The following PLEKHM1 variants were observed in gnomAD, a reference collection of about 807,000 sequenced individuals.
PLEKHM1 encodes the protein pleckstrin homology and RUN domain containing M1, also known as pleckstrin homology domain-containing family M member 1.
PLEKHM1 carries 28 observed loss-of-function variants against 94.3 expected under a neutral mutation model. The ratio of observed to expected loss-of-function variants is 0.30; its 90% CI spans 0.22 to 0.41. PLEKHM1 has a LOEUF of 0.41. Among genes scored for constraint, PLEKHM1 ranks in the 10% least tolerant of loss-of-function variants. The pLI is 1.00. For missense variants in PLEKHM1, 907 were observed against 1,358.6 expected, an observed-to-expected ratio of 0.67 and a Z score of 5.22; for synonymous variants, 424 against 581.2, an observed-to-expected ratio of 0.73 and a Z score of 3.89.
chr17:45,456,095 T>C (rs2684513), intron 6 of PLEKHM1, among the ~76,000 whole-genome samples: 1 of 152,174 alleles, frequency 6.6e-6, no homozygotes, highest in African/African-American at 2.4e-5. Context: ...TCTCTCCCCT[T>C]GCATCTCCTC....
intron 5 of PLEKHM1, among the ~76,000 whole-genome samples, chr17:45,466,235 C>T (rs1268179347): frequency 6.6e-6 from 1 of 152,168 alleles, no homozygotes; most frequent in African/African-American, 2.4e-5. Context: ...TCTAACACCA[C>T]ACACAAAAAT....
chr17:45,478,096 C>T lies in PLEKHM1; in HGVS notation c.100G>A (p.Val34Met), dbSNP rs569265721. The T allele has an allele frequency of 6.8e-6, 11 of 1,614,196 alleles. No individual in the cohort carries two copies. The highest frequency in any genetic ancestry group is 6.6e-5 in the South Asian group (6 of 91,086). The change falls in exon 3 of 12, where the codon GTG becomes ATG. Residue 34 changes from valine to methionine, a missense_variant. By Grantham distance (21) the Val-to-Met change is conservative (BLOSUM62 1). Around this residue, in one of 3 missense-constraint regions of PLEKHM1, gnomAD observed 176 missense variants for 306.0 expected, o/e 0.58. Transcript: ENST00000430334. ...CTAGTGACCACCGTGTCCAGGGACA[C>T]GTACTGCTTCTGCAAGGCCTTCACG... is the stretch of plus-strand genomic sequence containing the variant. ...GSVKALQKQY[V>M]SLDTVVTSED...
chr17:45,448,209 A>G (rs2145193774), intron 8 of PLEKHM1: 1 of 152,360 alleles, frequency 6.6e-6, no homozygotes, highest in African/African-American at 2.4e-5. Context: ...GTGTTTTATG[A>G]TCAAAGGGTT....
chr17:45,439,787 AAAG>A (rs1402163542), intron 10 of PLEKHM1, 153 bp from the exon 11 acceptor site: 3 of 982,458 alleles, frequency 3.1e-6, no homozygotes, highest in Non-Finnish European at 3.1e-6. Flanking sequence ...ACGGGCAAGA[AAAG>A]AAAACCTCCC....
At chr17:45,438,623 C>T (rs1429245176) in intron 11 of PLEKHM1, among the ~76,000 whole-genome samples, 1 of 152,026 alleles carries the variant, frequency 6.6e-6, no homozygotes, top group Admixed American at 6.6e-5. Context: ...GTGGCACGAT[C>T]TCGGCTCACT....
At chr17:45,465,570 C>T (rs2051294452) in intron 5 of PLEKHM1, among the ~76,000 whole-genome samples, 1 of 151,882 alleles carries the variant, frequency 6.6e-6, no homozygotes, top group South Asian at 2.1e-4. Flanking sequence ...ATTAGCTGGG[C>T]ATGGTGGTAG....
chr17:45,467,459 C>T lies in PLEKHM1; in HGVS notation c.1308+750G>A, dbSNP rs71373580. ...TGGGTCATGTTGCAAAGTGAGTATG[C>T]TCAAGGCCTAGTATTTTCTAAAAAC... is the stretch of plus-strand genomic sequence containing the variant. On this transcript the variant is annotated intron_variant, in intron 5 of 11. Transcript: ENST00000430334. Among the ~76,000 whole-genome samples, 3 of 152,300 alleles carry T rather than the reference C, an allele frequency of 2.0e-5. No individual in the cohort carries two copies. In the East Asian group the frequency reaches 5.8e-4, roughly 29 times the overall value.
chr17:45,442,027 C>T (rs2050463022), intron 9 of PLEKHM1, among the ~76,000 whole-genome samples: 2 of 152,150 alleles, frequency 1.3e-5, no homozygotes, highest in South Asian at 4.1e-4. Context: ...TGAGCCCTGG[C>T]TCCTCCTCTG....
In PLEKHM1 at chr17:45,445,511, C is replaced by T. The variant is rs1325043263; in HGVS notation, c.2796G>A (p.Leu932=). The stretch of plus-strand genomic sequence containing the variant: ...TCAGGGCGCCACTCCGGCACAGGCC[C>T]AGGTAATCCCCCAGGAGCTTCAGCT... The part of the protein sequence containing the change: ...REQLKLLGDY[L]GLCRSGALKE... The change falls in exon 9 of 12, where the codon CTG becomes CTA. Residue 932 remains leucine (L), a synonymous_variant. Transcript: ENST00000430334. This position sits in a 1 kb window ranked among gnomAD's most constrained non-coding sequence, Gnocchi z 4.2. The T allele has an allele frequency of 1.9e-6, 3 of 1,613,910 alleles. No individual in the cohort carries two copies. In the South Asian group the frequency reaches 3.3e-5, roughly 18 times the overall value.
Position 45,453,401 on chromosome 17 carries a change from A to G in PLEKHM1, c.2451T>C (p.Ala817=), listed in dbSNP as rs2684497. 13 of 1,613,920 alleles carry G rather than the reference A, an allele frequency of 8.1e-6. No individual in the cohort carries two copies. Among genetic ancestry groups the G allele is most frequent in the South Asian group, 5.5e-5 (5 of 91,058 alleles). The part of the protein sequence containing the change: ...ENGFLLQYLV[A]IPMEKGLDSQ... ...AGTCAAGGCCTTTCTCCATGGGGAT[A>G]GCCACCAGGTACTGCAGCAGGAAGC... Residue 817 remains alanine (A), a synonymous_variant, in exon 7 of 12, where the codon GCT becomes GCC. Coordinates refer to ENST00000430334, the MANE Select transcript of PLEKHM1 (RefSeq NM_014798.3). This position sits in a 1 kb window ranked among gnomAD's most constrained non-coding sequence, Gnocchi z 4.1.
chr17:45,442,466 CG>C (rs1172427155), intron 9 of PLEKHM1, among the ~76,000 whole-genome samples: 1 of 152,148 alleles, frequency 6.6e-6, no homozygotes, highest in Non-Finnish European at 1.5e-5. Context: ...AGTGCAGTGG[CG>C]TGATCTTGGC....
chr17:45,450,996 A>T (rs1355328531), intron 7 of PLEKHM1, among the ~76,000 whole-genome samples: 4 of 144,668 alleles, frequency 2.8e-5, no homozygotes, highest in Non-Finnish European at 6.0e-5. Flanking sequence ...ATGCTCAGAG[A>T]GGTTAGGAAA....
intron 8 of PLEKHM1, 27 bp downstream of exon 8, chr17:45,450,591 A>G (rs748023660): frequency 2.5e-5 from 41 of 1,613,266 alleles, no homozygotes; most frequent in Non-Finnish European, 3.2e-5. Flanking sequence ...GTCCCTCAGC[A>G]GCTGGGCTGC....
chr17:45,485,921 A>C (rs918139774), intron 1 of PLEKHM1, among the ~76,000 whole-genome samples: 2 of 149,782 alleles, frequency 1.3e-5, no homozygotes, highest in African/African-American at 2.5e-5. Flanking sequence ...TAAATAAATA[A>C]ATAAATAATT....
downstream of PLEKHM1, among the ~76,000 whole-genome samples, chr17:45,434,739 C>T (rs1239530238): frequency 2.6e-5 from 4 of 152,108 alleles, no homozygotes; most frequent in South Asian, 2.1e-4. Context: ...GCCACCATGC[C>T]GGGGTACATC....
intron 1 of PLEKHM1, among the ~76,000 whole-genome samples, chr17:45,484,682 T>C (rs1359018214): frequency 6.6e-6 from 1 of 152,170 alleles, no homozygotes; most frequent in Non-Finnish European, 1.5e-5. Context: ...CCTCTTCGAA[T>C]ATTTAACAGA....
chr17:45,490,460 G>A (rs973320772), intron 1 of PLEKHM1, among the ~76,000 whole-genome samples, 192 bp downstream of exon 1: 29 of 152,118 alleles, frequency 1.9e-4, no homozygotes, highest in African/African-American at 6.8e-4. Context: ...GGCCACAGCG[G>A]CGGTGCAGGG....
At chr17:45,450,368 C>T (rs2050742848) in intron 8 of PLEKHM1, among the ~76,000 whole-genome samples, 1 of 152,228 alleles carries the variant, frequency 6.6e-6, no homozygotes, top group Admixed American at 6.5e-5. Flanking sequence ...TTTGTAGCTG[C>T]AGGAAACCAT....
intron 7 of PLEKHM1, chr17:45,452,820 A>C (rs1467551842): frequency 5.8e-6 from 1 of 171,636 alleles, no homozygotes; most frequent in Admixed American, 5.4e-5. Context: ...CAGTTGCTTA[A>C]CCACACTAGC....
Sources: gnomAD v4.1 joint callset for allele counts (sites outside exome capture counted in the v4.1 genomes callset) on GRCh38, gnomAD v4.1.1 for gene constraint, gnomAD v4.1.1 regional missense constraint, Gnocchi (gnomAD v3.1) non-coding constraint, MANE v1.5 for transcripts, NCBI Gene and HGNC (gene_info 2026-07-23, HGNC 2026-07-21) for gene names.